Variants in DLGAP2 observed in about 807,000 individuals in gnomAD.
The protein encoded by DLGAP2 is DLG associated protein 2, also known as disks large-associated protein 2.
Under a neutral mutation model 100.3 loss-of-function variants are expected in DLGAP2, and 26 were observed. The observed-to-expected ratio is 0.26, with a 90% confidence interval of 0.19 to 0.36. The LOEUF is 0.36. Ranked by LOEUF, DLGAP2 falls within the 10% of genes least tolerant of loss-of-function variation. The probability of loss-of-function intolerance (pLI) is 1.00; values close to 1 mark genes in which losing one functional copy is unlikely to be tolerated. For synonymous variants in DLGAP2, 886 were observed against 630.1 expected (o/e 1.41, Z -6.08); for missense variants, 1,858 against 1,453.2 (o/e 1.28, Z -4.53).
chr8:797,230 G>A (rs141046961), intron 1 of DLGAP2, among the ~76,000 whole-genome samples: 4 of 152,214 alleles, frequency 2.6e-5, no homozygotes, highest in Non-Finnish European at 4.4e-5. Flanking sequence ...CCCACCCACC[G>A]TCCCCAGGGG....
At chr8:1,505,048 G>C (rs1322700000) in intron 4 of DLGAP2, among the ~76,000 whole-genome samples, 2 of 152,172 alleles carry the variant, frequency 1.3e-5, no homozygotes, top group Non-Finnish European at 2.9e-5. Context: ...AAGGATATCT[G>C]AGTTATGTTC....
At chr8:1,527,520 C>A (rs1052165694) in intron 4 of DLGAP2, among the ~76,000 whole-genome samples, 2 of 152,246 alleles carry the variant, frequency 1.3e-5, no homozygotes, top group Admixed American at 6.5e-5. Flanking sequence ...GGGATCAGCA[C>A]AGATTCATTG....
chr8:1,072,711 A>G (rs552887806), intron 2 of DLGAP2, among the ~76,000 whole-genome samples: 14 of 152,334 alleles, frequency 9.2e-5, no homozygotes, highest in Middle Eastern at 3.4e-3. Context: ...CTTATTAAAA[A>G]TACATCAGCT....
intron 2 of DLGAP2, among the ~76,000 whole-genome samples, chr8:1,112,548 C>T (rs1804994351): frequency 6.6e-6 from 1 of 152,146 alleles, no homozygotes; most frequent in South Asian, 2.1e-4. Flanking sequence ...GCGTCCTTTG[C>T]CCACTTTTTA....
At chr8:946,269 G>GT (rs767524745) in intron 2 of DLGAP2, among the ~76,000 whole-genome samples, 4,703 of 140,066 alleles carry the variant, frequency 0.034, 85 homozygotes, top group African/African-American at 0.05. Flanking sequence ...TGTTTCTTAG[G>GT]TTTTTTTTTT....
At chr8:1,644,084 C>T (rs1180456238) in intron 8 of DLGAP2, among the ~76,000 whole-genome samples, 1 of 139,234 alleles carries the variant, frequency 7.2e-6, no homozygotes, top group African/African-American at 2.7e-5. Context: ...TCGACCCCGC[C>T]GGTCCTCACC....
At chr8:798,196 C>G (rs927595364) in intron 1 of DLGAP2, among the ~76,000 whole-genome samples, 2 of 152,228 alleles carry the variant, frequency 1.3e-5, no homozygotes, top group Non-Finnish European at 2.9e-5. Context: ...ACCTGCAGCC[C>G]TGTGCCCTGG....
At chr8:1,491,290 T>A (rs1046329186) in intron 3 of DLGAP2, among the ~76,000 whole-genome samples, 8 of 152,332 alleles carry the variant, frequency 5.3e-5, no homozygotes, top group African/African-American at 1.9e-4. Context: ...CTGCCGATGC[T>A]GTGAGCAAGA....
At chr8:1,255,039 GCCGC>G (rs1799155774) in intron 2 of DLGAP2, among the ~76,000 whole-genome samples, 2 of 83,306 alleles carry the variant, frequency 2.4e-5, no homozygotes, top group African/African-American at 7.8e-5. Flanking sequence ...CTCCTGCCCA[GCCGC>G]TGTGTGTGTG....
At chr8:1,476,388 C>A (rs189614469) in intron 3 of DLGAP2, among the ~76,000 whole-genome samples, 3 of 151,888 alleles carry the variant, frequency 2.0e-5, no homozygotes, top group African/African-American at 7.3e-5. Flanking sequence ...CTATTCCCAT[C>A]GCGCCTGTGA....
intron 2 of DLGAP2, among the ~76,000 whole-genome samples, chr8:1,146,734 C>G (rs753088587): frequency 6.6e-6 from 1 of 152,140 alleles, no homozygotes; most frequent in Non-Finnish European, 1.5e-5. Context: ...TAAGGCATAT[C>G]CAGTTGGCCC....
At chr8:909,274 A>G (rs1479231193) in intron 2 of DLGAP2, among the ~76,000 whole-genome samples, 1 of 152,202 alleles carries the variant, frequency 6.6e-6, no homozygotes, top group East Asian at 1.9e-4. Context: ...TCACATGTGT[A>G]AAAAAGATTT....
rs181892184 is a variant in DLGAP2 at position 1,575,654 on chromosome 8, T to C, written c.1442+9760T>C. ...CCATAACAGGCCCTAGTGTGTGATG[T>C]TCCCCTTCCTGTGTCCAAGTCTTCT... On this transcript the variant is annotated intron_variant, in intron 6 of 14. Coordinates refer to ENST00000637795, the MANE Select transcript of DLGAP2 (RefSeq NM_001346810.2). Among the ~76,000 whole-genome samples, 358 of 122,452 alleles carry C rather than the reference T, an allele frequency of 2.9e-3. 1 individual carries two copies. Among genetic ancestry groups the C allele is most frequent in the African/African-American group, 0.011 (335 of 31,782 alleles). 80.3% of individuals were successfully genotyped at this position (122,452 alleles called of 152,430 possible).
intron 8 of DLGAP2, among the ~76,000 whole-genome samples, chr8:1,645,828 A>G (rs547217891): frequency 2.6e-5 from 4 of 152,224 alleles, no homozygotes; most frequent in Non-Finnish European, 5.9e-5. Context: ...CCTAGATCCC[A>G]GAGAGTTAAC....
chr8:765,053 A>G (rs1349605471), intron 1 of DLGAP2, among the ~76,000 whole-genome samples: 2 of 152,192 alleles, frequency 1.3e-5, no homozygotes, highest in East Asian at 1.9e-4. Flanking sequence ...GGCATTTAGA[A>G]CGTATTTAGT....
intron 1 of DLGAP2, among the ~76,000 whole-genome samples, chr8:874,561 G>T (rs1242889071): frequency 6.6e-6 from 1 of 152,170 alleles, no homozygotes; most frequent in African/African-American, 2.4e-5. Context: ...TGTGATTAGA[G>T]AAAACAATTT....
At chr8:1,018,076 C>T (rs1475546870) in intron 2 of DLGAP2, among the ~76,000 whole-genome samples, 1 of 152,090 alleles carries the variant, frequency 6.6e-6, no homozygotes, top group Non-Finnish European at 1.5e-5. Context: ...TGGCCCTGCT[C>T]AGTCAGCTGC....
chr8:1,033,535 G>A (rs552398278), intron 2 of DLGAP2, among the ~76,000 whole-genome samples: 5 of 152,160 alleles, frequency 3.3e-5, no homozygotes, highest in African/African-American at 9.7e-5. Flanking sequence ...GGGCATGGTG[G>A]TGCATGCCTG....
chr8:1,007,638 G>GC (rs1312650077), intron 2 of DLGAP2, among the ~76,000 whole-genome samples: 1 of 141,414 alleles, frequency 7.1e-6, no homozygotes, highest in African/African-American at 2.6e-5. Flanking sequence ...TTTTTTTTGG[G>GC]GGGGGGATCT....
Sources: gnomAD v4.1 joint callset for allele counts (sites outside exome capture counted in the v4.1 genomes callset) on GRCh38, gnomAD v4.1.1 for gene constraint, MANE v1.5 for transcripts, NCBI Gene and HGNC (gene_info 2026-07-23, HGNC 2026-07-21) for gene names.